The following IQANK1 variants were observed in gnomAD, a reference collection of about 807,000 sequenced individuals.
IQANK1 encodes IQ motif and ankyrin repeat domain-containing protein 1.
A neutral mutation model predicts 22.6 loss-of-function variants in IQANK1; 30 were observed. That is an observed-to-expected ratio of 1.33 (90% CI 0.99 to 1.80). IQANK1 has a LOEUF of 1.80. Among genes scored for constraint, IQANK1 ranks in the 40% most tolerant of loss-of-function variants. The probability of loss-of-function intolerance (pLI) is 0.00; values close to 1 mark genes in which losing one functional copy is unlikely to be tolerated. For missense variants in IQANK1, 275 were observed against 235.2 expected (o/e 1.17, Z -1.11); for synonymous variants, 122 against 99.6 (o/e 1.23, Z -1.34).
At chr8:143,779,131 T>C (rs1554630738) in intron 7 of IQANK1, among the ~76,000 whole-genome samples, 1 of 152,206 alleles carries the variant, frequency 6.6e-6, no homozygotes, top group African/African-American at 2.4e-5. Context: ...TATGAACTTA[T>C]AAACATATAT....
intron 3 of IQANK1, among the ~76,000 whole-genome samples, chr8:143,757,579 C>T (rs568390520): frequency 9.2e-5 from 14 of 152,252 alleles, no homozygotes; most frequent in South Asian, 6.2e-4. Flanking sequence ...CCTCATGATC[C>T]GCCTGCCTTG....
intron 3 of IQANK1, among the ~76,000 whole-genome samples, chr8:143,748,627 T>C (rs1819086327): frequency 8.0e-6 from 1 of 125,696 alleles, no homozygotes; most frequent in African/African-American, 3.2e-5. Context: ...ATATATAATA[T>C]ATCATATATA....
chr8:143,790,424 T>TGCA lies in IQANK1; in HGVS notation c.1501_1503dup (p.Gln501dup), dbSNP rs199869570. ...GTCGTGCAGCGGCAGCTGGAGGCGG[T>TGCA]GCAGGAGAGGTACCTGTCGCTGCTG... is the stretch of plus-strand genomic sequence containing the variant. On this transcript the variant is annotated inframe_insertion, in exon 14 of 14. Coordinates refer to ENST00000527139, the MANE Select transcript of IQANK1 (RefSeq NM_001381874.1). 3,892 of 644,612 alleles carry TGCA rather than the reference T, an allele frequency of 6.0e-3. 136 individuals are homozygous for TGCA. In the African/African-American group the frequency reaches 0.065, roughly 11 times the overall value. 39.9% of individuals were successfully genotyped at this position (644,612 alleles called of 1,614,324 possible).
intron 7 of IQANK1, among the ~76,000 whole-genome samples, chr8:143,773,656 G>A (rs1819628973): frequency 6.6e-6 from 1 of 152,132 alleles, no homozygotes; most frequent in South Asian, 2.1e-4. Flanking sequence ...TGCTGCCAGA[G>A]TCTTTGCCCA....
At chr8:143,743,611 A>G (rs147532526) in intron 3 of IQANK1, among the ~76,000 whole-genome samples, 1,994 of 152,302 alleles carry the variant, frequency 0.013, 29 homozygotes, top group Middle Eastern at 0.031. Flanking sequence ...TTGGAAATGT[A>G]TCGTGTTGGG....
intron 7 of IQANK1, among the ~76,000 whole-genome samples, chr8:143,777,380 G>C (rs1250267937): frequency 6.6e-6 from 1 of 151,774 alleles, no homozygotes; most frequent in Non-Finnish European, 1.5e-5. Context: ...GCTGGGCATG[G>C]TGGCAGGCGC....
At chr8:143,743,010 G>T in intron 3 of IQANK1, 1 of 456,050 alleles carries the variant, frequency 2.2e-6, no homozygotes, top group Non-Finnish European at 4.4e-6. Flanking sequence ...CAGAACTCCT[G>T]GGACCATTGA....
rs1478933242 is a variant in IQANK1, at chr8:143,747,977, T to TCCCTTTCCCTTTCCCTTTCCCTTTC, written c.175+8031_175+8032insCTTTCCCTTTCCCTTTCCCTTTCCC. Among the ~76,000 whole-genome samples the TCCCTTTCCCTTTCCCTTTCCCTTTC allele has an allele frequency of 3.2e-3, 448 of 140,100 alleles. 8 individuals carry two copies. The highest frequency in any genetic ancestry group is 0.012 in the African/African-American group (413 of 35,158). 91.9% of individuals were successfully genotyped at this position (140,100 alleles called of 152,430 possible). ...CCTTTCCTTTCCTTTCCTTTCCCTT[T>TCCCTTTCCCTTTCCCTTTCCCTTTC]CCTTTCCCTTTCCTTTCTTTTCCTT... On this transcript the variant is annotated intron_variant, in intron 3 of 13. Transcript: ENST00000527139.
intron 3 of IQANK1, among the ~76,000 whole-genome samples, chr8:143,748,308 T>C (rs1222618807): frequency 6.6e-6 from 1 of 151,388 alleles, no homozygotes; most frequent in Non-Finnish European, 1.5e-5. Flanking sequence ...CCTTTATTTC[T>C]TTACTTATCT....
At chr8:143,772,884 T>A (rs545708580) in intron 7 of IQANK1, among the ~76,000 whole-genome samples, 43 of 152,148 alleles carry the variant, frequency 2.8e-4, no homozygotes, top group South Asian at 8.3e-4. Context: ...CTCACGGCGC[T>A]GGGGGCAGCA....
intron 7 of IQANK1, among the ~76,000 whole-genome samples, chr8:143,777,679 C>G (rs1271809691): frequency 2.0e-5 from 3 of 151,938 alleles, no homozygotes; most frequent in African/African-American, 7.3e-5. Flanking sequence ...GCTGTATACT[C>G]TAAAGCCTAA....
chr8:143,742,069 ACT>A (rs1818930657), intron 3 of IQANK1: 3 of 292,000 alleles, frequency 1.0e-5, no homozygotes, highest in Non-Finnish European at 2.1e-5. Context: ...GCTGCGGCCG[ACT>A]CTCTCTAGGA....
At chr8:143,764,144 G>A (rs1165857560) in intron 3 of IQANK1, among the ~76,000 whole-genome samples, 1 of 152,072 alleles carries the variant, frequency 6.6e-6, no homozygotes, top group East Asian at 1.9e-4. Context: ...AGGGCCCGCC[G>A]GAAGGACTCG....
rs1818714148 is a variant in IQANK1, at chr8:143,735,572, C to T, written c.-4-278C>T. Among the ~76,000 whole-genome samples, 8 of 152,256 alleles carry T rather than the reference C, an allele frequency of 5.3e-5. No individual in the cohort carries two copies. In the South Asian group the frequency reaches 1.7e-3, roughly 32 times the overall value. On this transcript the variant is annotated intron_variant, in intron 1 of 13. Coordinates refer to ENST00000527139, the MANE Select transcript of IQANK1 (RefSeq NM_001381874.1). This position sits in a 1 kb window ranked among gnomAD's most constrained non-coding sequence, Gnocchi z 5.2. ...GCTAGACTCCAGATCCTGCGCCCGGCAGGATGGGCTGAGCCTGGGGCGGAG... is the reference window on the plus strand; with the variant it reads ...GCTAGACTCCAGATCCTGCGCCCGGTAGGATGGGCTGAGCCTGGGGCGGAG...
rs183182189 is a variant in IQANK1, at chr8:143,768,238, T to C, written c.176-3250T>C. ...ATAAAGCAGAAATGATGTTGTGTTT[T>C]TGACGTACATCATGTCATGGGGCTT... is the stretch of plus-strand genomic sequence containing the variant. On this transcript the variant is annotated intron_variant, in intron 3 of 13. Transcript: ENST00000527139. Among the ~76,000 whole-genome samples, 425 of 152,186 alleles carry C rather than the reference T, an allele frequency of 2.8e-3. 1 individual carries two copies. Among genetic ancestry groups the C allele is most frequent in the Admixed American group, 8.9e-3 (136 of 15,290 alleles).
intron 7 of IQANK1, among the ~76,000 whole-genome samples, chr8:143,786,426 AT>A (rs1362532960): frequency 6.6e-6 from 1 of 152,230 alleles, no homozygotes; most frequent in Non-Finnish European, 1.5e-5. Flanking sequence ...ATATTTGCAA[AT>A]TTATATTTAC....
chr8:143,742,410 C>G, intron 3 of IQANK1: 1 of 456,076 alleles, frequency 2.2e-6, no homozygotes. Flanking sequence ...AGCCTTTCCT[C>G]TGCATTGGTG....
At chr8:143,737,937 C>A (rs1212680421) in intron 2 of IQANK1, among the ~76,000 whole-genome samples, 1 of 152,228 alleles carries the variant, frequency 6.6e-6, no homozygotes, top group Non-Finnish European at 1.5e-5. Context: ...GGGTCCCCTG[C>A]TCCACAGCCT....
intron 2 of IQANK1, among the ~76,000 whole-genome samples, chr8:143,736,192 T>C (rs911324152): frequency 1.3e-5 from 2 of 150,326 alleles, no homozygotes; most frequent in African/African-American, 4.9e-5. Flanking sequence ...CCCAGTCGAG[T>C]GCAATGGCGC....
Sources: gnomAD v4.1 joint callset for allele counts (sites outside exome capture counted in the v4.1 genomes callset) on GRCh38, gnomAD v4.1.1 for gene constraint, Gnocchi (gnomAD v3.1) non-coding constraint, MANE v1.5 for transcripts, NCBI Gene and HGNC (gene_info 2026-07-23, HGNC 2026-07-21) for gene names.